Variants in GDPD4 observed in about 807,000 individuals in gnomAD.
GDPD4 encodes the protein glycerophosphodiester phosphodiesterase 6.
Under a neutral mutation model 67.8 loss-of-function variants are expected in GDPD4, and 60 were observed. The observed-to-expected ratio is 0.88, with a 90% CI of 0.72 to 1.10. GDPD4 has a LOEUF of 1.10. GDPD4 is among the 50% of genes least tolerant of loss of function. GDPD4 has a pLI of 0.00. For missense variants in GDPD4, 623 were observed against 613.9 expected (o/e 1.01, Z -0.16); for synonymous variants, 212 against 210.9 (o/e 1.00, Z -0.04).
intron 3 of GDPD4, among the ~76,000 whole-genome samples, chr11:77,279,656 C>T (rs888084192): frequency 6.6e-5 from 10 of 151,968 alleles, no homozygotes; most frequent in African/African-American, 1.4e-4. Context: ...TTAAAAATTA[C>T]GTCCTCTTTT....
chr11:77,253,960 G>A lies in GDPD4; in HGVS notation c.864+4426C>T, dbSNP rs1390411713. Among the ~76,000 whole-genome samples the A allele has an allele frequency of 3.3e-5, 5 of 152,194 alleles. No homozygotes were observed. The East Asian group carries it at 9.6e-4, about 29-fold the overall frequency. ...TCTATCTGCTGCTTGGCTCCACAGA[G>A]AAAGGTGTAACAGTTGCTTGGCCTG... On this transcript the variant is annotated intron_variant, in intron 11 of 16. Transcript: ENST00000315938.
chr11:77,236,345 C>A (rs939039225), intron 13 of GDPD4, among the ~76,000 whole-genome samples: 1 of 152,078 alleles, frequency 6.6e-6, no homozygotes, highest in Non-Finnish European at 1.5e-5. Context: ...CTCCCCACCC[C>A]ACAACAGGCC....
intron 16 of GDPD4, among the ~76,000 whole-genome samples, chr11:77,220,992 G>T (rs145450029): frequency 0.015 from 2,356 of 152,240 alleles, 31 homozygotes; most frequent in Middle Eastern, 0.027. Context: ...TCGTGGGAGG[G>T]TGTCCAGGAA....
rs1958134076 is a variant in GDPD4 at position 77,217,053 on chromosome 11, C to CAAAG, written c.*220_*223dup. On this transcript the variant is annotated 3_prime_UTR_variant, in exon 17 of 17. Coordinates refer to ENST00000315938, the MANE Select transcript of GDPD4 (RefSeq NM_182833.3). ...TGCCTGGTGGGTGCTTGGGTGAGTT[C>CAAAG]AAAGACCACGGTGGGCATCGGTGGT... 7.1e-6 allele frequency: 5 copies of CAAAG among 704,012 alleles called. No individual in the cohort carries two copies. Among genetic ancestry groups the CAAAG allele is most frequent in the South Asian group, 4.4e-5 (3 of 67,612 alleles). The allele number at this position is 704,012 out of a possible 1,614,324, so 43.6% of individuals were successfully genotyped here. A position where few individuals can be genotyped will look rare whatever the true frequency, so the allele number is the denominator to read the frequency against.
At chr11:77,217,666 A>G (rs191804788) in intron 16 of GDPD4, among the ~76,000 whole-genome samples, 2 of 152,256 alleles carry the variant, frequency 1.3e-5, no homozygotes, top group Non-Finnish European at 2.9e-5. Context: ...TTTAAAGGGC[A>G]GAGACTTTGT....
intron 13 of GDPD4, among the ~76,000 whole-genome samples, chr11:77,236,279 A>G (rs1958567096): frequency 6.6e-6 from 1 of 151,884 alleles, no homozygotes; most frequent in Non-Finnish European, 1.5e-5. Flanking sequence ...GGTTTTCTGC[A>G]CCCATCAACT....
chr11:77,245,995 GAACTA>G (rs1281750570), intron 11 of GDPD4, among the ~76,000 whole-genome samples: 1 of 152,116 alleles, frequency 6.6e-6, no homozygotes, highest in African/African-American at 2.4e-5. Flanking sequence ...TAATCTTCCT[GAACTA>G]AAGAGACTTC....
At chr11:77,221,970 T>C (rs1204408287) in intron 16 of GDPD4, among the ~76,000 whole-genome samples, 1 of 152,206 alleles carries the variant, frequency 6.6e-6, no homozygotes. Flanking sequence ...ATTGATCCCT[T>C]TACCATTATG....
At chr11:77,246,648 T>G (rs1958789898) in intron 11 of GDPD4, among the ~76,000 whole-genome samples, 1 of 152,180 alleles carries the variant, frequency 6.6e-6, no homozygotes, top group Non-Finnish European at 1.5e-5. Flanking sequence ...CTTAGGATTA[T>G]TTTGAAGATT....
intron 4 of GDPD4, among the ~76,000 whole-genome samples, 193 bp from the exon 5 acceptor site, chr11:77,276,413 G>A (rs1335380018): frequency 6.6e-6 from 1 of 152,090 alleles, no homozygotes; most frequent in Non-Finnish European, 1.5e-5. Context: ...CTATGCCACT[G>A]ACTCTTCAAA....
chr11:77,229,079 A>G (rs1194291837), intron 15 of GDPD4, 71 bp downstream of exon 15: 2 of 716,220 alleles, frequency 2.8e-6, no homozygotes, highest in Non-Finnish European at 4.6e-6. Flanking sequence ...CGTAACTCTT[A>G]TTTTTCTCAA....
intron 11 of GDPD4, among the ~76,000 whole-genome samples, chr11:77,256,225 A>G (rs1196610741): frequency 6.6e-6 from 1 of 152,266 alleles, no homozygotes; most frequent in Admixed American, 6.5e-5. Flanking sequence ...ATCAGATACA[A>G]TAATAGGCTT....
At chr11:77,295,796 C>T (rs1238456763) in intron 1 of GDPD4, among the ~76,000 whole-genome samples, 1 of 152,126 alleles carries the variant, frequency 6.6e-6, no homozygotes, top group Non-Finnish European at 1.5e-5. Flanking sequence ...AACTTCTAGT[C>T]TTCAAAAGAC....
Position 77,216,688 on chromosome 11 carries a change from A to G in GDPD4, c.*589T>C, listed in dbSNP as rs1958126638. ...ACACACAGCAGTTTTCCCCTTGCCT[A>G]GCCCCTTGAGATGCATTCTTGATAG... On this transcript the variant is annotated 3_prime_UTR_variant, in exon 17 of 17. Coordinates refer to ENST00000315938, the MANE Select transcript of GDPD4 (RefSeq NM_182833.3). 1 of 545,604 alleles carries G rather than the reference A, an allele frequency of 1.8e-6. No individual in the cohort carries two copies. Among genetic ancestry groups the G allele is most frequent in the Non-Finnish European group, 3.3e-6 (1 of 306,194 alleles). The allele number at this position is 545,604 out of a possible 1,614,324, so 33.8% of individuals were successfully genotyped here.
intron 10 of GDPD4, among the ~76,000 whole-genome samples, chr11:77,260,756 CTG>C (rs1565528960): frequency 6.6e-6 from 1 of 151,958 alleles, no homozygotes; most frequent in South Asian, 2.1e-4. Context: ...GATATAATAA[CTG>C]AAATGAAAAT....
At chr11:77,258,287 A>G in intron 11 of GDPD4, 99 bp downstream of exon 11, 1 of 1,155,052 alleles carries the variant, frequency 8.7e-7, no homozygotes, top group South Asian at 1.4e-5. Context: ...TCGTGTGGAT[A>G]CTTGCCTATC....
intron 11 of GDPD4, among the ~76,000 whole-genome samples, chr11:77,256,911 C>G (rs963471123): frequency 3.9e-5 from 6 of 152,160 alleles, no homozygotes; most frequent in Admixed American, 1.3e-4. Flanking sequence ...TTTTAAATTA[C>G]CCAGTCTCAG....
At chr11:77,268,274 G>GA (rs771188619) in intron 10 of GDPD4, among the ~76,000 whole-genome samples, 183 bp downstream of exon 10, 42 of 152,136 alleles carry the variant, frequency 2.8e-4, no homozygotes, top group Middle Eastern at 3.4e-3. Context: ...TTGAAAACAT[G>GA]GAGATGCAGA....
chr11:77,252,043 TTTG>T (rs373813182), intron 11 of GDPD4, among the ~76,000 whole-genome samples: 5 of 81,122 alleles, frequency 6.2e-5, no homozygotes, highest in Admixed American at 5.2e-4. Flanking sequence ...TTTGGGTTTT[TTTG>T]TTTGTTTGTT....
Sources: gnomAD v4.1 joint callset for allele counts (sites outside exome capture counted in the v4.1 genomes callset) on GRCh38, gnomAD v4.1.1 for gene constraint, MANE v1.5 for transcripts, NCBI Gene and HGNC (gene_info 2026-07-23, HGNC 2026-07-21) for gene names.